ABCB1: variants seen among roughly 807,000 people sequenced by gnomAD.
ABCB1 encodes ATP binding cassette subfamily B member 1, also known as ATP-dependent translocase ABCB1.
A neutral mutation model predicts 142.0 loss-of-function variants in ABCB1; 69 were observed. That is an observed-to-expected ratio of 0.49 (90% CI 0.40 to 0.59). The LOEUF (loss-of-function observed/expected upper bound fraction) is 0.59. ABCB1 is among the 20% of genes least tolerant of loss of function. ABCB1 has a pLI of 0.00. For synonymous variants in ABCB1, 532 were observed against 539.2 expected (o/e 0.99, Z 0.18); for missense variants, 1,326 against 1,554.7 (o/e 0.85, Z 2.47).
chr7:87,615,617 G>C (rs181368790), intron 1 of ABCB1, among the ~76,000 whole-genome samples: 1 of 152,212 alleles, frequency 6.6e-6, no homozygotes, highest in Non-Finnish European at 1.5e-5. Flanking sequence ...GAGTGTAATA[G>C]TGGGAATAAT....
chr7:87,560,489 A>G (rs113679151), intron 8 of ABCB1, among the ~76,000 whole-genome samples: 2,292 of 152,222 alleles, frequency 0.015, 66 homozygotes, highest in African/African-American at 0.051. Flanking sequence ...ACAACTTCTC[A>G]TCTTCCCTAG....
rs573542963 is a variant in ABCB1 at position 87,560,870 on chromosome 7, T to C, written c.827+393A>G. The stretch of plus-strand genomic sequence containing the variant: ...TTATATTTTTATCTTCCAAATCATG[T>C]AGCATATGTCAGCTGAATAGGGGCA... On this transcript the variant is annotated intron_variant, in intron 8 of 27. Coordinates refer to ENST00000622132, the MANE Select transcript of ABCB1 (RefSeq NM_001348946.2). Among the ~76,000 whole-genome samples the C allele has an allele frequency of 2.4e-4, 37 of 152,288 alleles. No individual in the cohort carries two copies. The South Asian group carries it at 7.0e-3, about 29-fold the overall frequency.
intron 1 of ABCB1, among the ~76,000 whole-genome samples, chr7:87,688,032 A>G (rs1425193793): frequency 2.6e-5 from 4 of 152,180 alleles, no homozygotes; most frequent in African/African-American, 9.6e-5. Flanking sequence ...CCATATACTC[A>G]GGCCAAAACA....
In ABCB1 at chr7:87,539,345, C is replaced by G. The variant is rs199564535; in HGVS notation, c.2320G>C (p.Gly774Arg). Residue 774 changes from glycine (G) to arginine (R), a missense_variant and splice_region_variant, in exon 19 of 28, where the codon GGT (glycine) becomes CGT (arginine). Physicochemically the swap from Gly to Arg is moderately radical, Grantham distance 125 (BLOSUM62 -2). Transcript: ENST00000622132. The stretch of plus-strand genomic sequence containing the variant: ...TCTCCAGCTTTGCCAAATGTGAAAC[C>G]CTGTGGGCAGGAACATACCTTGTCA... ...IISFITFFLQ[G>R]FTFGKAGEIL... is the part of the protein sequence containing the mutation. 56 of 1,613,928 alleles carry G rather than the reference C, an allele frequency of 3.5e-5. No homozygotes were observed. The highest frequency in any genetic ancestry group is 5.5e-5 in the South Asian group (5 of 91,082).
chr7:87,552,389 T>C (rs1817112128), intron 9 of ABCB1, among the ~76,000 whole-genome samples: 1 of 152,204 alleles, frequency 6.6e-6, no homozygotes, highest in African/African-American at 2.4e-5. Flanking sequence ...ATTCCTGTCA[T>C]ATCATTTGGC....
intron 11 of ABCB1, 24 bp downstream of exon 11, chr7:87,550,444 T>G: frequency 6.3e-7 from 1 of 1,595,626 alleles, no homozygotes; most frequent in Non-Finnish European, 8.6e-7. Context: ...AGATTAATTG[T>G]TGATTAATCA....
At position 87,678,195 on chromosome 7, in the gene ABCB1, C is replaced by G. The variant is rs188173794; in HGVS notation, c.-331+34966G>C. Among the ~76,000 whole-genome samples the G allele has an allele frequency of 6.6e-5, 10 of 152,282 alleles. No individual in the cohort carries two copies. In the East Asian group the frequency reaches 1.9e-3, roughly 29 times the overall value. On this transcript the variant is annotated intron_variant, in intron 1 of 28. Transcript: ENST00000265724. The stretch of plus-strand genomic sequence containing the variant: ...CTTTCAATATGACTACTCAAGCAAT[C>G]CTCCCATTTCAGCCTCTCAAAGTTC...
chr7:87,642,578 T>C (rs989757203), intron 1 of ABCB1, among the ~76,000 whole-genome samples: 1 of 152,080 alleles, frequency 6.6e-6, no homozygotes, highest in South Asian at 2.1e-4. Flanking sequence ...GATGGCTTAC[T>C]AATTTTAGAT....
intron 1 of ABCB1, among the ~76,000 whole-genome samples, chr7:87,625,325 TTCAG>T (rs1820372976): frequency 6.6e-6 from 1 of 152,196 alleles, no homozygotes; most frequent in Non-Finnish European, 1.5e-5. Context: ...TTACTAAGTT[TTCAG>T]TCATAGTTCA....
At chr7:87,584,384 T>A (rs1002398279) in intron 4 of ABCB1, among the ~76,000 whole-genome samples, 8 of 152,182 alleles carry the variant, frequency 5.3e-5, no homozygotes, top group Non-Finnish European at 8.8e-5. Context: ...TCACTACATT[T>A]TCAAGTACGT....
intron 23 of ABCB1, 66 bp from the exon 24 acceptor site, chr7:87,516,731 CTTTTTTTTTT>C: frequency 7.5e-6 from 6 of 804,608 alleles, no homozygotes; most frequent in East Asian, 4.9e-5. Flanking sequence ...GCTGACACTC[CTTTTTTTTTT>C]TTTTTTTTTT....
At chr7:87,682,632 G>A (rs773427433) in intron 1 of ABCB1, among the ~76,000 whole-genome samples, 9 of 152,184 alleles carry the variant, frequency 5.9e-5, no homozygotes, top group Non-Finnish European at 1.3e-4. Flanking sequence ...TTTTTTCTGA[G>A]TAGTGGATCA....
chr7:87,580,022 G>T (rs1393925707), intron 4 of ABCB1, among the ~76,000 whole-genome samples: 1 of 152,038 alleles, frequency 6.6e-6, no homozygotes, highest in Admixed American at 6.6e-5. Flanking sequence ...AGTTATTGTA[G>T]TTATTATTTT....
At chr7:87,588,498 C>A (rs1160835852) in intron 3 of ABCB1, among the ~76,000 whole-genome samples, 5 of 152,210 alleles carry the variant, frequency 3.3e-5, no homozygotes, top group Non-Finnish European at 5.9e-5. Flanking sequence ...CCATGCCCTG[C>A]AAAGGACGTG....
At chr7:87,520,678 C>T in intron 22 of ABCB1, 98 bp downstream of exon 22, 1 of 1,068,152 alleles carries the variant, frequency 9.4e-7, no homozygotes, top group South Asian at 1.3e-5. Flanking sequence ...ACTTTCTCCA[C>T]TTGCTCCCTA....
At chr7:87,581,939 T>C (rs1193104768) in intron 4 of ABCB1, among the ~76,000 whole-genome samples, 1 of 152,152 alleles carries the variant, frequency 6.6e-6, no homozygotes, top group Non-Finnish European at 1.5e-5. Context: ...AGTAGGCTGG[T>C]TCTCCCTCCA....
chr7:87,676,772 C>A (rs1042592810), intron 1 of ABCB1, among the ~76,000 whole-genome samples: 6 of 151,018 alleles, frequency 4.0e-5, no homozygotes, highest in Admixed American at 2.0e-4. Flanking sequence ...ATCACAACTC[C>A]TTGCCTTATC....
intron 21 of ABCB1, among the ~76,000 whole-genome samples, chr7:87,530,337 T>C (rs1316393930): frequency 6.6e-6 from 1 of 152,212 alleles, no homozygotes; most frequent in African/African-American, 2.4e-5. Context: ...AGAGGAACTC[T>C]TTGTTTTATA....
intron 1 of ABCB1, among the ~76,000 whole-genome samples, chr7:87,638,308 T>A (rs559673503): frequency 2.0e-5 from 3 of 151,716 alleles, no homozygotes; most frequent in Admixed American, 1.3e-4. Context: ...GTCATTAAGA[T>A]TATTTGGCTT....
Sources: allele counts gnomAD v4.1 joint callset (sites outside exome capture counted in the v4.1 genomes callset), GRCh38; gene constraint gnomAD v4.1.1; transcripts MANE v1.5; gene names NCBI Gene and HGNC (gene_info 2026-07-23, HGNC 2026-07-21).